The following CERS3 variants were observed in gnomAD, a reference collection of about 807,000 sequenced individuals.
CERS3 encodes the protein ceramide synthase 3.
CERS3 carries 33 observed loss-of-function variants against 50.3 expected under a neutral mutation model. The ratio of observed to expected loss-of-function variants is 0.66; its 90% CI spans 0.50 to 0.88. The LOEUF (loss-of-function observed/expected upper bound fraction) is 0.88. Ranked by LOEUF, CERS3 falls within the 40% of genes least tolerant of loss-of-function variation. The pLI, the probability that CERS3 is intolerant of heterozygous loss-of-function variation, is 0.00. For missense variants in CERS3, 470 were observed against 460.3 expected (o/e 1.02, Z -0.19); for synonymous variants, 176 against 155.2 (o/e 1.13, Z -0.99).
At position 100,476,195 on chromosome 15, in the gene CERS3, T is replaced by C. The variant is rs2142256338; in HGVS notation, c.517-17A>G. ...CAGCAGGGGCTGAGGAAAAGAAGAGTATTCATTACTTTAAATGCCATCATA... is the reference window on the plus strand; with the variant it reads ...CAGCAGGGGCTGAGGAAAAGAAGAGCATTCATTACTTTAAATGCCATCATA... On this transcript the variant is annotated splice_polypyrimidine_tract_variant and intron_variant, in intron 7 of 11. Transcript: ENST00000679737. 1 of 1,507,590 alleles carries C rather than the reference T, an allele frequency of 6.6e-7. No homozygotes were observed. Among genetic ancestry groups the C allele is most frequent in the East Asian group, 2.5e-5 (1 of 40,068 alleles). The allele number at this position is 1,507,590 out of a possible 1,614,324, so 93.4% of individuals were successfully genotyped here.
At chr15:100,456,533 G>A (rs1239446057) in intron 10 of CERS3, among the ~76,000 whole-genome samples, 1 of 152,168 alleles carries the variant, frequency 6.6e-6, no homozygotes, top group Non-Finnish European at 1.5e-5. Flanking sequence ...AAAATTCCAT[G>A]AGTACTTAAC....
chr15:100,451,907 T>C (rs1400982840), intron 11 of CERS3, among the ~76,000 whole-genome samples: 1 of 152,110 alleles, frequency 6.6e-6, no homozygotes, highest in African/African-American at 2.4e-5. Context: ...TATATAATGA[T>C]AAAGAGATCA....
intron 1 of CERS3, among the ~76,000 whole-genome samples, chr15:100,528,244 T>C (rs772832202): frequency 5.3e-5 from 8 of 152,214 alleles, no homozygotes; most frequent in Non-Finnish European, 1.2e-4. Flanking sequence ...TGGCATGACA[T>C]TGAGCACTAC....
chr15:100,499,785 AT>A (rs1328553172), intron 3 of CERS3, among the ~76,000 whole-genome samples: 8 of 152,220 alleles, frequency 5.3e-5, no homozygotes, highest in African/African-American at 1.9e-4. Context: ...CCCAAGAGAC[AT>A]TTGTGTACTC....
intron 7 of CERS3, among the ~76,000 whole-genome samples, chr15:100,477,231 A>C (rs1400287730): frequency 1.3e-5 from 2 of 152,240 alleles, no homozygotes; most frequent in Non-Finnish European, 2.9e-5. Context: ...GATATGAGTA[A>C]GTTGGAGACA....
chr15:100,467,278 C>A (rs185912657), intron 10 of CERS3, among the ~76,000 whole-genome samples: 1 of 142,680 alleles, frequency 7.0e-6, no homozygotes, highest in South Asian at 2.4e-4. Context: ...CAAGGCCAAT[C>A]GACTCCTAGA....
intron 1 of CERS3, among the ~76,000 whole-genome samples, chr15:100,537,077 C>G (rs1477851213): frequency 6.6e-6 from 1 of 152,180 alleles, no homozygotes; most frequent in African/African-American, 2.4e-5. Flanking sequence ...CATATCCTAC[C>G]CTGCCACTTG....
In CERS3 at chr15:100,402,728, G is replaced by T; in HGVS notation, c.1137C>A (p.Gly379=). ...LRAERHLIPN[G]QHGH is the part of the protein sequence containing the mutation. The stretch of plus-strand genomic sequence containing the variant: ...AGGCTTCCAGCTAATGGCCATGCTG[G>T]CCATTGGGAATGAGGTGCCTCTCAG... The change falls in exon 12 of 12, where the codon GGC becomes GGA. Residue 379 remains glycine, a synonymous_variant. Transcript: ENST00000679737. 8.1e-6 allele frequency: 13 copies of T among 1,614,136 alleles called. No individual in the cohort carries two copies. The highest frequency in any genetic ancestry group is 1.1e-5 in the Non-Finnish European group (13 of 1,180,032).
At chr15:100,405,354 C>A (rs1446449130) in intron 11 of CERS3, among the ~76,000 whole-genome samples, 1 of 151,832 alleles carries the variant, frequency 6.6e-6, no homozygotes, top group Non-Finnish European at 1.5e-5. Flanking sequence ...ATGTTCAACA[C>A]CATTAGTCAT....
intron 3 of CERS3, among the ~76,000 whole-genome samples, chr15:100,498,148 C>T (rs377178661): frequency 6.6e-6 from 1 of 152,212 alleles, no homozygotes; most frequent in South Asian, 2.1e-4. Flanking sequence ...CCTGCCTCAG[C>T]CTCCCAAAGT....
In CERS3 at chr15:100,504,326, C is replaced by T. The variant is rs545826890; in HGVS notation, c.-1-2476G>A. 5.6e-4 allele frequency among the ~76,000 whole-genome samples: 84 copies of T among 150,428 alleles called. 1 individual carries two copies. The highest frequency in any genetic ancestry group is 2.0e-3 in the African/African-American group (81 of 40,842). On this transcript the variant is annotated intron_variant, in intron 2 of 11. Coordinates refer to ENST00000679737, the MANE Select transcript of CERS3 (RefSeq NM_001378789.1). ...TGGCGTGATCTCGGCTCACTGAAACCTCTGCCTTCTGGGTTCAAGCAATTC... is the reference window on the plus strand; with the variant it reads ...TGGCGTGATCTCGGCTCACTGAAACTTCTGCCTTCTGGGTTCAAGCAATTC...
At chr15:100,477,292 G>T (rs1040096144) in intron 7 of CERS3, among the ~76,000 whole-genome samples, 2 of 152,114 alleles carry the variant, frequency 1.3e-5, no homozygotes, top group African/African-American at 2.4e-5. Flanking sequence ...GTCCCTTATT[G>T]TCTAATTTTA....
chr15:100,490,782 A>AT (rs1567657887), intron 4 of CERS3, 35 bp downstream of exon 4: 3 of 1,324,178 alleles, frequency 2.3e-6, no homozygotes, highest in Non-Finnish European at 3.3e-6. Flanking sequence ...AAGAAAGAAG[A>AT]TTTTTAAGTC....
chr15:100,409,295 T>C (rs921225202), intron 11 of CERS3, among the ~76,000 whole-genome samples: 2 of 152,226 alleles, frequency 1.3e-5, no homozygotes, highest in South Asian at 4.1e-4. Context: ...ACGGACATGT[T>C]CTACATTCTA....
Position 100,442,525 on chromosome 15 carries a change from C to T in CERS3, c.999+13368G>A, listed in dbSNP as rs573848724. Among the ~76,000 whole-genome samples, 462 of 152,358 alleles carry T rather than the reference C, an allele frequency of 3.0e-3. 4 individuals carry two copies. The highest frequency in any genetic ancestry group is 0.011 in the African/African-American group (443 of 41,580). ...AAATACCTGAACTGCAGCGGCCAGG[C>T]ATTCCTCCAGAACTGCCTCCCCCAG... On this transcript the variant is annotated intron_variant, in intron 11 of 11. Coordinates refer to ENST00000679737, the MANE Select transcript of CERS3 (RefSeq NM_001378789.1).
chr15:100,456,201 CT>C (rs1465910529), intron 10 of CERS3, among the ~76,000 whole-genome samples, 155 bp from the exon 11 acceptor site: 1 of 152,150 alleles, frequency 6.6e-6, no homozygotes, highest in African/African-American at 2.4e-5. Context: ...ATAATATTAT[CT>C]TAAATATCAT....
At chr15:100,512,686 A>T (rs2036380955) in intron 2 of CERS3, among the ~76,000 whole-genome samples, 1 of 152,100 alleles carries the variant, frequency 6.6e-6, no homozygotes, top group Non-Finnish European at 1.5e-5. Flanking sequence ...TCCTGACTGG[A>T]TGCAGTGTGC....
intron 11 of CERS3, among the ~76,000 whole-genome samples, chr15:100,433,746 T>C (rs2012403): frequency 0.29 from 44,635 of 152,226 alleles, 6,698 homozygotes; most frequent in East Asian, 0.41. Flanking sequence ...CACCTATACA[T>C]GCACACACAA....
chr15:100,454,576 T>A (rs2034296826), intron 11 of CERS3, among the ~76,000 whole-genome samples: 1 of 152,044 alleles, frequency 6.6e-6, no homozygotes, highest in African/African-American at 2.4e-5. Context: ...TAGACTTAAA[T>A]ATAAGATCCC....
Sources: allele counts gnomAD v4.1 joint callset (sites outside exome capture counted in the v4.1 genomes callset), GRCh38; gene constraint gnomAD v4.1.1; transcripts MANE v1.5; gene names NCBI Gene and HGNC (gene_info 2026-07-23, HGNC 2026-07-21).